GATAD2B: variants seen among roughly 807,000 people sequenced by gnomAD.
The protein encoded by GATAD2B is GATA zinc finger domain containing 2B, also known as transcriptional repressor p66-beta.
A neutral mutation model predicts 64.3 loss-of-function variants in GATAD2B; 8 were observed. The observed-to-expected ratio is 0.12, with a 90% CI of 0.07 to 0.22. The LOEUF is 0.22. GATAD2B is among the 10% of genes least tolerant of loss of function. The probability of loss-of-function intolerance (pLI) is 1.00; values close to 1 mark genes in which losing one functional copy is unlikely to be tolerated. For missense variants in GATAD2B, 453 were observed against 752.0 expected (o/e 0.60, Z 4.65); for synonymous variants, 281 against 271.3 (o/e 1.04, Z -0.35).
intron 1 of GATAD2B, among the ~76,000 whole-genome samples, chr1:153,875,079 T>C (rs765325363): frequency 8.6e-5 from 13 of 151,986 alleles, no homozygotes; most frequent in Non-Finnish European, 1.3e-4. Flanking sequence ...GGTCTTGTTG[T>C]GTTGACCAGG....
At chr1:153,848,436 G>C (rs1182715671) in intron 1 of GATAD2B, among the ~76,000 whole-genome samples, 1 of 151,950 alleles carries the variant, frequency 6.6e-6, no homozygotes, top group Non-Finnish European at 1.5e-5. Context: ...TCTTCACTTG[G>C]CTTTTGGGAC....
chr1:153,815,763 G>A (rs868733665), intron 7 of GATAD2B, among the ~76,000 whole-genome samples: 4 of 152,152 alleles, frequency 2.6e-5, no homozygotes, highest in Non-Finnish European at 5.9e-5. Context: ...GGCTGGCCCC[G>A]GCCGGCTGAC....
chr1:153,910,744 T>C, intron 1 of GATAD2B, among the ~76,000 whole-genome samples: 1 of 151,906 alleles, frequency 6.6e-6, no homozygotes, highest in Non-Finnish European at 1.5e-5. Context: ...TGTGTCAAAA[T>C]AAATAAATAA....
At chr1:153,905,553 G>GAAAAAAAAAAA (rs769120730) in intron 1 of GATAD2B, among the ~76,000 whole-genome samples, 3 of 64,644 alleles carry the variant, frequency 4.6e-5, no homozygotes, top group Non-Finnish European at 6.3e-5. Context: ...AACAATTTTG[G>GAAAAAAAAAAA]AAAAAAAAAA....
At chr1:153,919,869 C>T (rs1206031962) in intron 1 of GATAD2B, among the ~76,000 whole-genome samples, 3 of 152,196 alleles carry the variant, frequency 2.0e-5, no homozygotes, top group Non-Finnish European at 1.5e-5. Context: ...TGTAATAATG[C>T]AGGGCTTTAA....
At position 153,851,833 on chromosome 1, in the gene GATAD2B, G is replaced by A. The variant is rs574921963; in HGVS notation, c.-1-23485C>T. Among the ~76,000 whole-genome samples, 8 of 152,280 alleles carry A rather than the reference G, an allele frequency of 5.3e-5. No homozygotes were observed. The South Asian group carries it at 1.7e-3, about 32-fold the overall frequency. On this transcript the variant is annotated intron_variant, in intron 1 of 10. Transcript: ENST00000368655. ...AACAGAGGGTAACACAATGGCCACAGAATGAGAACATAAGTGCACTTGAAT... is the reference window on the plus strand; with the variant it reads ...AACAGAGGGTAACACAATGGCCACAAAATGAGAACATAAGTGCACTTGAAT...
chr1:153,858,639 C>T (rs944304341), intron 1 of GATAD2B, among the ~76,000 whole-genome samples: 1 of 151,896 alleles, frequency 6.6e-6, no homozygotes, highest in African/African-American at 2.4e-5. Context: ...GAGGCTGAGG[C>T]GTGAGGATCA....
At chr1:153,868,901 G>A (rs768614546) in intron 1 of GATAD2B, among the ~76,000 whole-genome samples, 9 of 151,894 alleles carry the variant, frequency 5.9e-5, no homozygotes, top group Non-Finnish European at 1.3e-4. Flanking sequence ...CACCTGGCTA[G>A]TTTCGTATTT....
Position 153,916,964 on chromosome 1 carries a change from T to C in GATAD2B, c.-2+5769A>G, listed in dbSNP as rs187729601. Among the ~76,000 whole-genome samples, 442 of 151,480 alleles carry C rather than the reference T, an allele frequency of 2.9e-3. 3 individuals carry two copies. The highest frequency in any genetic ancestry group is 0.01 in the African/African-American group (429 of 41,276). On this transcript the variant is annotated intron_variant, in intron 1 of 10. Coordinates refer to ENST00000368655, the MANE Select transcript of GATAD2B (RefSeq NM_020699.4). ...CTGGGATTACAGGCGCCCACCACCATGTCTGGCTAATTTTTGTATTATTAG... is the reference window on the plus strand; with the variant it reads ...CTGGGATTACAGGCGCCCACCACCACGTCTGGCTAATTTTTGTATTATTAG...
chr1:153,828,955 A>G (rs1027034809), intron 1 of GATAD2B, among the ~76,000 whole-genome samples: 3 of 152,162 alleles, frequency 2.0e-5, no homozygotes, highest in Non-Finnish European at 4.4e-5. Context: ...TTGTATTGTC[A>G]GCTCCTCCAG....
intron 1 of GATAD2B, among the ~76,000 whole-genome samples, chr1:153,839,328 G>A (rs1675392825): frequency 6.6e-6 from 1 of 152,004 alleles, no homozygotes; most frequent in African/African-American, 2.4e-5. Flanking sequence ...AGAGGATCCT[G>A]AGAGGCAGAC....
chr1:153,815,100 A>AAAAAAAAAAAAAAAC (rs1674414343), intron 7 of GATAD2B, among the ~76,000 whole-genome samples: 1 of 144,134 alleles, frequency 6.9e-6, no homozygotes, highest in African/African-American at 2.5e-5. Context: ...AAAAAAAAAA[A>AAAAAAAAAAAAAAAC]AAAAAAAAAA....
intron 1 of GATAD2B, among the ~76,000 whole-genome samples, chr1:153,885,548 C>A (rs1057506842): frequency 6.6e-6 from 1 of 151,854 alleles, no homozygotes; most frequent in African/African-American, 2.4e-5. Context: ...ATGGTGAAAC[C>A]CCGTCTCTAC....
rs896014547 is a variant in GATAD2B, at chr1:153,889,311, C to G, written c.-2+33422G>C. 1.3e-4 allele frequency among the ~76,000 whole-genome samples: 19 copies of G among 148,200 alleles called. No individual in the cohort carries two copies. In the East Asian group the frequency reaches 3.9e-3, roughly 30 times the overall value. On this transcript the variant is annotated intron_variant, in intron 1 of 10. Coordinates refer to ENST00000368655, the MANE Select transcript of GATAD2B (RefSeq NM_020699.4). ...CCTGTAATCCCAGCTACTCGGTGGG[C>G]TGAGGCAGGAGAATTGCTTGAACCC... is the stretch of plus-strand genomic sequence containing the variant.
At chr1:153,911,958 T>G (rs1160666635) in intron 1 of GATAD2B, among the ~76,000 whole-genome samples, 1 of 152,252 alleles carries the variant, frequency 6.6e-6, no homozygotes, top group Non-Finnish European at 1.5e-5. Flanking sequence ...AATTTTTCTA[T>G]TTTGATAAAA....
chr1:153,871,936 T>A (rs1362026923), intron 1 of GATAD2B, among the ~76,000 whole-genome samples: 1 of 151,194 alleles, frequency 6.6e-6, no homozygotes, highest in Non-Finnish European at 1.5e-5. Flanking sequence ...GGTGAGAAAG[T>A]GAGACCCTGT....
intron 1 of GATAD2B, among the ~76,000 whole-genome samples, chr1:153,879,794 T>G (rs1676955182): frequency 7.0e-6 from 1 of 142,186 alleles, no homozygotes. Context: ...GACATCATAC[T>G]AAACTGAGCA....
At chr1:153,873,347 T>G (rs966016304) in intron 1 of GATAD2B, among the ~76,000 whole-genome samples, 1 of 152,190 alleles carries the variant, frequency 6.6e-6, no homozygotes, top group African/African-American at 2.4e-5. Context: ...CCGCAACGAT[T>G]TGAATGTGTC....
intron 1 of GATAD2B, among the ~76,000 whole-genome samples, chr1:153,901,213 CAA>C (rs146258599): frequency 2.2e-5 from 3 of 138,878 alleles, no homozygotes; most frequent in Non-Finnish European, 3.1e-5. Context: ...AATTCTACCT[CAA>C]AAAAAAAAAA....
Sources: allele counts gnomAD v4.1 joint callset (sites outside exome capture counted in the v4.1 genomes callset), GRCh38; gene constraint gnomAD v4.1.1; transcripts MANE v1.5; gene names NCBI Gene and HGNC (gene_info 2026-07-23, HGNC 2026-07-21).